Variants in ZMYM6 observed in about 807,000 individuals in gnomAD.
ZMYM6 encodes zinc finger MYM-type protein 6.
A neutral mutation model predicts 134.0 loss-of-function variants in ZMYM6; 90 were observed. The ratio of observed to expected loss-of-function variants is 0.67; its 90% CI spans 0.57 to 0.80. The LOEUF (loss-of-function observed/expected upper bound fraction) is 0.80, where lower values mean the gene tolerates loss of function less well. Among genes scored for constraint, ZMYM6 ranks in the 30% least tolerant of loss-of-function variants. The probability of loss-of-function intolerance (pLI) is 0.00; values close to 1 mark genes in which losing one functional copy is unlikely to be tolerated. For synonymous variants in ZMYM6, 481 were observed against 524.1 expected (o/e 0.92, Z 1.12); for missense variants, 1,362 against 1,533.9 (o/e 0.89, Z 1.87).
intron 4 of ZMYM6, chr1:35,017,265 T>A (rs1209401092): frequency 6.6e-6 from 1 of 152,178 alleles, no homozygotes; most frequent in Non-Finnish European, 1.5e-5. Context: ...CAACAAAAAT[T>A]ATTTTAATTC....
chr1:34,987,552 C>T lies in ZMYM6; in HGVS notation c.3530G>A (p.Gly1177Asp), dbSNP rs552253719. The T allele has an allele frequency of 1.0e-4, 162 of 1,613,850 alleles. No individual in the cohort carries two copies. In the South Asian group the frequency reaches 1.7e-3, roughly 17 times the overall value. ...CCTTGTGATGTCTGTCATATTTAAG[C>T]CTGATGAATTTGAGAATTCAGAAAA... is the stretch of plus-strand genomic sequence containing the variant. ...PSFSEFSNSS[G>D]LNMTDITRII... is the part of the protein sequence containing the mutation. The change falls in exon 16 of 16, where the codon GGC becomes GAC. Residue 1177 changes from glycine (G) to aspartate (D), a missense_variant. By Grantham distance (94) the Gly-to-Asp change is moderately conservative (BLOSUM62 -1). Around this residue, in one of 3 missense-constraint regions of ZMYM6, gnomAD observed 824 missense variants for 940.9 expected, o/e 0.88. Transcript: ENST00000357182.
At chr1:35,014,137 T>C (rs1039639458) in intron 6 of ZMYM6, among the ~76,000 whole-genome samples, 3 of 152,240 alleles carry the variant, frequency 2.0e-5, no homozygotes, top group Non-Finnish European at 4.4e-5. Flanking sequence ...GAGACAGTGT[T>C]GACCAAATAA....
chr1:35,020,328 A>G (rs1311597177), intron 3 of ZMYM6, 55 bp downstream of exon 3: 1 of 1,484,860 alleles, frequency 6.7e-7, no homozygotes, highest in East Asian at 2.3e-5. Flanking sequence ...CCTCAATTTT[A>G]AAAGTCAGAA....
chr1:34,990,942 G>A (rs977310779), intron 15 of ZMYM6, among the ~76,000 whole-genome samples: 9 of 152,140 alleles, frequency 5.9e-5, no homozygotes, highest in African/African-American at 1.4e-4. Context: ...TCAGCTCACC[G>A]CAACCTCTAC....
chr1:35,023,869 G>A (rs950468517), intron 2 of ZMYM6, among the ~76,000 whole-genome samples: 8 of 151,620 alleles, frequency 5.3e-5, no homozygotes, highest in South Asian at 2.1e-4. Flanking sequence ...TGATCTGCCC[G>A]TCTCGGCCTC....
chr1:35,030,282 A>G lies in ZMYM6; in HGVS notation c.93+265T>C, dbSNP rs187834034. 39 of 321,062 alleles carry G rather than the reference A, an allele frequency of 1.2e-4. 1 individual carries two copies. In the East Asian group the frequency reaches 2.0e-3, roughly 17 times the overall value. The allele number at this position is 321,062 out of a possible 1,614,324, so 19.9% of individuals were successfully genotyped here. On this transcript the variant is annotated intron_variant, in intron 2 of 15. Coordinates refer to ENST00000357182, the MANE Select transcript of ZMYM6 (RefSeq NM_007167.4). Reference sequence around the variant, plus strand: ...CCGTCTCTACCAAAAATACAAAAAAATAGTTGAGCATGTTGGTGTGTGCCC... The same window carrying G: ...CCGTCTCTACCAAAAATACAAAAAAGTAGTTGAGCATGTTGGTGTGTGCCC...
At chr1:35,004,786 G>C (rs898397643) in intron 13 of ZMYM6, among the ~76,000 whole-genome samples, 2 of 151,950 alleles carry the variant, frequency 1.3e-5, no homozygotes, top group Non-Finnish European at 2.9e-5. Context: ...GGCCAGGCAC[G>C]GTGGCTCACA....
At chr1:35,019,047 G>A (rs1641257086) in intron 4 of ZMYM6, 1 of 509,328 alleles carries the variant, frequency 2.0e-6, no homozygotes. Flanking sequence ...CAAGATAACT[G>A]TTAAATAAAT....
At chr1:35,016,038 C>T (rs1402965275) in intron 4 of ZMYM6, among the ~76,000 whole-genome samples, 2 of 150,424 alleles carry the variant, frequency 1.3e-5, no homozygotes, top group Non-Finnish European at 3.0e-5. Context: ...ATCTCCACCT[C>T]CTGGGTTCAA....
intron 1 of ZMYM6, chr1:35,031,586 TCTC>T: frequency 6.6e-6 from 1 of 151,898 alleles, no homozygotes; most frequent in Non-Finnish European, 1.5e-5. Context: ...TTTCCGAAAT[TCTC>T]CTTCCCACCA....
chr1:35,003,321 C>T (rs1303518248), intron 14 of ZMYM6, among the ~76,000 whole-genome samples: 1 of 152,042 alleles, frequency 6.6e-6, no homozygotes, highest in African/African-American at 2.4e-5. Flanking sequence ...GGCAACAATG[C>T]CATAATTTGC....
chr1:35,028,259 T>G (rs987407385), intron 2 of ZMYM6, among the ~76,000 whole-genome samples: 2 of 148,136 alleles, frequency 1.4e-5, no homozygotes, highest in African/African-American at 5.0e-5. Flanking sequence ...GAGGTTGCAG[T>G]GAGCCAAGAT....
At chr1:35,012,617 AACAT>A (rs1641106709) in intron 6 of ZMYM6, 36 bp from the exon 7 acceptor site, 3 of 1,604,482 alleles carry the variant, frequency 1.9e-6, no homozygotes, top group Non-Finnish European at 2.5e-6. Context: ...ACCTAGTACA[AACAT>A]ACATATTTAC....
Position 35,014,783 on chromosome 1 carries a change from T to C in ZMYM6, c.709A>G (p.Asn237Asp), listed in dbSNP as rs753143644. The change falls in exon 6 of 16, where the codon AAC becomes GAC. Residue 237 changes from asparagine to aspartate, a missense_variant. Asn to Asp is a conservative substitution (Grantham distance 23). Coordinates refer to ENST00000357182, the MANE Select transcript of ZMYM6 (RefSeq NM_007167.4). ...CTACTATAGCAATAGCTCCCACAGT[T>C]CTCACAACAGTTCATGGTGAGGTTG... ...TNNLTMNCCE[N>D]CGSYCYSSSG... 1 of 1,614,216 alleles carries C rather than the reference T, an allele frequency of 6.2e-7. No individual in the cohort carries two copies. The highest frequency in any genetic ancestry group is 8.5e-7 in the Non-Finnish European group (1 of 1,180,038).
intron 11 of ZMYM6, among the ~76,000 whole-genome samples, chr1:35,007,325 TC>T (rs1294297964): frequency 6.6e-6 from 1 of 152,166 alleles, no homozygotes; most frequent in Non-Finnish European, 1.5e-5. Context: ...AATTGTGGGA[TC>T]ACGCCTGTAA....
chr1:35,005,861 G>A (rs11263916), intron 12 of ZMYM6, among the ~76,000 whole-genome samples: 32,785 of 152,064 alleles, frequency 0.22, 8,412 homozygotes, highest in African/African-American at 0.61. Context: ...GGGGAATGGA[G>A]GGCTAACACG....
intron 14 of ZMYM6, among the ~76,000 whole-genome samples, chr1:35,002,393 C>T (rs1453392845): frequency 1.3e-5 from 2 of 152,166 alleles, no homozygotes; most frequent in East Asian, 3.8e-4. Context: ...CCTTGGTGGG[C>T]TTTAAAATTG....
At chr1:34,998,204 G>A (rs1322571712) in intron 14 of ZMYM6, among the ~76,000 whole-genome samples, 1 of 152,178 alleles carries the variant, frequency 6.6e-6, no homozygotes, top group Non-Finnish European at 1.5e-5. Flanking sequence ...CTTGAACCCA[G>A]GAGGCGGAGG....
rs373624656 is a variant in ZMYM6, at chr1:35,031,019, T to C, written c.-74-306A>G. Among the ~76,000 whole-genome samples, 22 of 152,212 alleles carry C rather than the reference T, an allele frequency of 1.4e-4. No homozygotes were observed. The East Asian group carries it at 3.9e-3, about 27-fold the overall frequency. ...CAGACCAAGACGTGGGAGGAAGTAA[T>C]AAACTCTGAGAAGAACGGACTCAAG... On this transcript the variant is annotated intron_variant, in intron 1 of 15. Coordinates refer to ENST00000357182, the MANE Select transcript of ZMYM6 (RefSeq NM_007167.4).
Sources: gnomAD v4.1 joint callset for allele counts (sites outside exome capture counted in the v4.1 genomes callset) on GRCh38, gnomAD v4.1.1 for gene constraint, gnomAD v4.1.1 regional missense constraint, MANE v1.5 for transcripts, NCBI Gene and HGNC (gene_info 2026-07-23, HGNC 2026-07-21) for gene names.